Variants in EMC3 observed in about 807,000 individuals in gnomAD.
The protein encoded by EMC3 is ER membrane protein complex subunit 3.
A neutral mutation model predicts 36.6 loss-of-function variants in EMC3; 13 were observed. The ratio of observed to expected loss-of-function variants is 0.35; its 90% CI spans 0.23 to 0.56. The LOEUF (loss-of-function observed/expected upper bound fraction) is 0.56, where lower values mean the gene tolerates loss of function less well. Among genes scored for constraint, EMC3 ranks in the 20% least tolerant of loss-of-function variants. EMC3 has a pLI of 0.84. For synonymous variants in EMC3, 120 were observed against 111.9 expected (o/e 1.07, Z -0.46); for missense variants, 220 against 324.5 (o/e 0.68, Z 2.47).
chr3:9,983,496 C>T (rs1232396574), intron 1 of EMC3, among the ~76,000 whole-genome samples: 4 of 152,064 alleles, frequency 2.6e-5, no homozygotes, highest in Non-Finnish European at 5.9e-5. Flanking sequence ...CAATGGCTCA[C>T]ACCCTGTCTC....
chr3:9,990,323 C>CTTT (rs1361164664), upstream of EMC3, among the ~76,000 whole-genome samples: 5 of 109,146 alleles, frequency 4.6e-5, no homozygotes, highest in African/African-American at 2.5e-4. Flanking sequence ...CCGGGCCTTT[C>CTTT]TCTTTTTTTT....
chr3:9,986,442 C>A, intron 1 of EMC3, 65 bp downstream of exon 1: 2 of 1,589,252 alleles, frequency 1.3e-6, no homozygotes, highest in Non-Finnish European at 8.6e-7. Flanking sequence ...ATTGACACAA[C>A]TCCTGCACTT....
intron 1 of EMC3, chr3:10,006,959 C>A: frequency 3.4e-6 from 1 of 292,434 alleles, no homozygotes. Context: ...TCTATTTTAT[C>A]TTTTTAAATA....
intron 1 of EMC3, chr3:9,981,847 C>G: frequency 2.7e-6 from 1 of 364,358 alleles, no homozygotes; most frequent in South Asian, 2.0e-5. Flanking sequence ...GTATATTTGT[C>G]AAGTCTGAGA....
In EMC3 at chr3:10,008,580, G is replaced by C. The variant is rs1012312880; in HGVS notation, c.-242+2443C>G. 12 of 672,648 alleles carry C rather than the reference G, an allele frequency of 1.8e-5. No homozygotes were observed. In the African/African-American group the frequency reaches 2.0e-4, roughly 11 times the overall value. The allele number at this position is 672,648 out of a possible 1,614,324, so 41.7% of individuals were successfully genotyped here. ...CAGAGAGCAGGGTCAGATAGTGGGG[G>C]GTGGGTTCAGCTCCACTGTCCAGGT... On this transcript the variant is annotated intron_variant, in intron 1 of 8. Transcript: ENST00000470827.
intron 5 of EMC3, among the ~76,000 whole-genome samples, chr3:9,972,492 C>T (rs2085797027): frequency 6.7e-6 from 1 of 148,766 alleles, no homozygotes; most frequent in Non-Finnish European, 1.5e-5. Context: ...AAACTCTGGC[C>T]AGGCGTGGTG....
intron 1 of EMC3, chr3:9,994,185 A>C: frequency 1.3e-6 from 2 of 1,584,408 alleles, no homozygotes; most frequent in Non-Finnish European, 8.6e-7. Context: ...TTCCCCACTC[A>C]AGGTTCTTAA....
intron 1 of EMC3, among the ~76,000 whole-genome samples, chr3:9,998,302 C>T (rs1330335234): frequency 6.6e-6 from 1 of 150,630 alleles, no homozygotes; most frequent in Non-Finnish European, 1.5e-5. Context: ...GGAGGCAGAG[C>T]TTGCAGTGAG....
chr3:9,997,149 G>T (rs2086135818), intron 1 of EMC3, among the ~76,000 whole-genome samples: 1 of 151,846 alleles, frequency 6.6e-6, no homozygotes, highest in African/African-American at 2.4e-5. Context: ...GTTCATTCTA[G>T]ATGCCTCATA....
At chr3:9,997,897 G>A (rs549431482) in intron 1 of EMC3, among the ~76,000 whole-genome samples, 11 of 151,988 alleles carry the variant, frequency 7.2e-5, no homozygotes, top group Non-Finnish European at 1.3e-4. Context: ...CCCTGTTTTC[G>A]GTTCTTTAGG....
intron 1 of EMC3, among the ~76,000 whole-genome samples, chr3:10,002,329 C>A (rs899033426): frequency 1.2e-4 from 13 of 108,044 alleles, no homozygotes; most frequent in African/African-American, 4.6e-4. Context: ...GGCTCTCTAA[C>A]ACAGGCTAGA....
chr3:10,002,873 GC>G (rs762227466), intron 1 of EMC3: 11 of 441,506 alleles, frequency 2.5e-5, no homozygotes, highest in African/African-American at 4.5e-5. Context: ...GCTCAACAAG[GC>G]CCCCAGCATG....
intron 7 of EMC3, among the ~76,000 whole-genome samples, chr3:9,968,221 C>T (rs995951068): frequency 3.9e-5 from 6 of 152,116 alleles, no homozygotes; most frequent in African/African-American, 7.2e-5. Flanking sequence ...TGCCCGGCCA[C>T]GGCCATTTCT....
intron 1 of EMC3, chr3:9,981,717 G>A (rs1019906145): frequency 2.3e-6 from 1 of 436,150 alleles, no homozygotes; most frequent in African/African-American, 2.1e-5. Flanking sequence ...TTATAGGTGT[G>A]AGCCATTGCA....
At chr3:10,010,708 G>A (rs1422217744) in intron 1 of EMC3, among the ~76,000 whole-genome samples, 2 of 152,186 alleles carry the variant, frequency 1.3e-5, no homozygotes, top group Non-Finnish European at 2.9e-5. Flanking sequence ...TGAGGTGCTA[G>A]GACTGGGAGC....
intron 7 of EMC3, 122 bp from the exon 8 acceptor site, chr3:9,964,319 T>G (rs1315937801): frequency 7.0e-7 from 1 of 1,437,610 alleles, no homozygotes; most frequent in Non-Finnish European, 9.2e-7. Flanking sequence ...ATGTATAAGC[T>G]CATTCAATCC....
chr3:9,990,100 C>T (rs2086029812), upstream of EMC3, among the ~76,000 whole-genome samples: 1 of 151,632 alleles, frequency 6.6e-6, no homozygotes, highest in Non-Finnish European at 1.5e-5. Flanking sequence ...TCTCAGCTCA[C>T]TGCAAGCTCC....
At chr3:9,991,799 A>G (rs576553585), upstream of EMC3, among the ~76,000 whole-genome samples, 13 of 152,300 alleles carry the variant, frequency 8.5e-5, no homozygotes, top group Admixed American at 6.5e-4. Context: ...GACTGGTTTC[A>G]TGGAAGACAG....
At chr3:9,987,974 TC>T (rs994573683), upstream of EMC3, 128 of 980,262 alleles carry the variant, frequency 1.3e-4, no homozygotes, top group African/African-American at 1.9e-3. Context: ...TTGCAGGCTT[TC>T]CAAGTAAAGT....
Sources: allele counts gnomAD v4.1 joint callset (sites outside exome capture counted in the v4.1 genomes callset), GRCh38; gene constraint gnomAD v4.1.1; transcripts MANE v1.5; gene names NCBI Gene and HGNC (gene_info 2026-07-23, HGNC 2026-07-21).